The following CD9 variants were observed in gnomAD, a reference collection of about 807,000 sequenced individuals.
CD9 encodes the protein CD9 molecule, also known as CD9 antigen.
Under a neutral mutation model 31.4 loss-of-function variants are expected in CD9, and 10 were observed. That is an observed-to-expected ratio of 0.32 (90% CI 0.20 to 0.54). The LOEUF is 0.54. Among genes scored for constraint, CD9 ranks in the 20% least tolerant of loss-of-function variants. The pLI is 0.94. For missense variants in CD9, 259 were observed against 300.1 expected (o/e 0.86, Z 1.01); for synonymous variants, 113 against 114.1 (o/e 0.99, Z 0.06).
intron 1 of CD9, among the ~76,000 whole-genome samples, chr12:6,218,213 G>A (rs1053842811): frequency 7.0e-6 from 1 of 143,870 alleles, no homozygotes. Flanking sequence ...GGGTGACAGA[G>A]TGAGACCCTG....
chr12:6,220,485 G>C (rs1946282567), intron 1 of CD9, among the ~76,000 whole-genome samples: 1 of 152,156 alleles, frequency 6.6e-6, no homozygotes, highest in Admixed American at 6.5e-5. Flanking sequence ...GGGGTGAAAG[G>C]AAAGCAGAGA....
At chr12:6,212,790 G>T (rs114476550) in intron 1 of CD9, among the ~76,000 whole-genome samples, 84 of 152,334 alleles carry the variant, frequency 5.5e-4, no homozygotes, top group African/African-American at 1.9e-3. Context: ...ACAGAAGGCA[G>T]AAGTTGGCCT....
intron 1 of CD9, among the ~76,000 whole-genome samples, chr12:6,218,537 G>C (rs1946263802): frequency 1.3e-5 from 2 of 152,254 alleles, no homozygotes; most frequent in South Asian, 4.1e-4. Flanking sequence ...ACCTCCCCAG[G>C]TTCTAACTGG....
chr12:6,208,569 G>T (rs576541959), intron 1 of CD9, among the ~76,000 whole-genome samples: 3 of 152,044 alleles, frequency 2.0e-5, no homozygotes, highest in African/African-American at 7.2e-5. Flanking sequence ...TTGTTTGTTT[G>T]TTTTTGTTCT....
intron 1 of CD9, among the ~76,000 whole-genome samples, chr12:6,223,826 A>G (rs1179100154): frequency 6.6e-6 from 1 of 152,130 alleles, no homozygotes; most frequent in Admixed American, 6.5e-5. Context: ...CTTCTCCCCA[A>G]CCAAACAGTG....
chr12:6,225,414 T>A lies in CD9; in HGVS notation c.67-12T>A. On this transcript the variant is annotated splice_polypyrimidine_tract_variant and intron_variant, in intron 1 of 7. Coordinates refer to ENST00000009180, the MANE Select transcript of CD9 (RefSeq NM_001769.4). ...AGCCAGAATTAATGCTGATGTCCTGTATGTCTTGCAGCTTGCCGGGATTGC... is the reference window on the plus strand; with the variant it reads ...AGCCAGAATTAATGCTGATGTCCTGAATGTCTTGCAGCTTGCCGGGATTGC... 1 of 1,579,112 alleles carries A rather than the reference T, an allele frequency of 6.3e-7. No homozygotes were observed. Among genetic ancestry groups the A allele is most frequent in the Non-Finnish European group, 8.7e-7 (1 of 1,148,076 alleles).
chr12:6,228,898 A>G (rs1259390837), intron 2 of CD9, among the ~76,000 whole-genome samples: 1 of 152,262 alleles, frequency 6.6e-6, no homozygotes, highest in Non-Finnish European at 1.5e-5. Context: ...CTGACTTTTC[A>G]GGAAACCTGA....
intron 1 of CD9, among the ~76,000 whole-genome samples, chr12:6,214,905 G>A (rs898448048): frequency 6.6e-6 from 1 of 152,088 alleles, no homozygotes; most frequent in East Asian, 1.9e-4. Context: ...GGAGCCAAAC[G>A]CAGGTTCCAA....
intron 4 of CD9, among the ~76,000 whole-genome samples, chr12:6,234,723 C>T (rs1273762797): frequency 3.3e-5 from 5 of 152,190 alleles, no homozygotes; most frequent in Non-Finnish European, 7.3e-5. Flanking sequence ...CTGTACTGGA[C>T]ATAGTGGTAA....
chr12:6,231,901 T>C lies in CD9; in HGVS notation c.176-731T>C, dbSNP rs11568258. Among the ~76,000 whole-genome samples, 461 of 152,264 alleles carry C rather than the reference T, an allele frequency of 3.0e-3. 2 individuals carry two copies. Among genetic ancestry groups the C allele is most frequent in the Middle Eastern group, 0.014 (4 of 294 alleles). On this transcript the variant is annotated intron_variant, in intron 2 of 7. Transcript: ENST00000009180. The stretch of plus-strand genomic sequence containing the variant: ...CTCTTTAATTTTACTAGTAAGGAAA[T>C]TGAGGCCCAGAGAGGGAAAATGTCT...
intron 2 of CD9, 65 bp downstream of exon 2, chr12:6,225,599 A>T: frequency 2.9e-6 from 3 of 1,042,922 alleles, no homozygotes; most frequent in Non-Finnish European, 4.5e-6. Flanking sequence ...GCAACTTTGG[A>T]GGCCCCATGT....
chr12:6,224,177 AGATGCACTTCT>A (rs1340735617), intron 1 of CD9, among the ~76,000 whole-genome samples: 1 of 152,152 alleles, frequency 6.6e-6, no homozygotes, highest in Non-Finnish European at 1.5e-5. Context: ...CTTCCTCTTC[AGATGCACTTCT>A]GATATTATCT....
chr12:6,233,294 G>A, intron 3 of CD9, 118 bp from the exon 4 acceptor site: 2 of 747,922 alleles, frequency 2.7e-6, no homozygotes, highest in Non-Finnish European at 4.8e-6. Context: ...CTATTCATTT[G>A]TGTCACCAGA....
chr12:6,203,705 C>T (rs1034792364), intron 1 of CD9, among the ~76,000 whole-genome samples: 1 of 152,092 alleles, frequency 6.6e-6, no homozygotes, highest in South Asian at 2.1e-4. Flanking sequence ...TGCCCACCCC[C>T]CAAAAAACAG....
chr12:6,217,879 C>T (rs1477204360), intron 1 of CD9, among the ~76,000 whole-genome samples: 3 of 152,178 alleles, frequency 2.0e-5, no homozygotes, highest in African/African-American at 4.8e-5. Context: ...TCTCCACTTT[C>T]TGGGCTTTCC....
chr12:6,218,345 G>A (rs1946262200), intron 1 of CD9, among the ~76,000 whole-genome samples: 1 of 152,228 alleles, frequency 6.6e-6, no homozygotes, highest in South Asian at 2.1e-4. Context: ...TTTCTTTGCA[G>A]TAGGATTTGT....
chr12:6,205,790 C>T (rs954764580), intron 1 of CD9, among the ~76,000 whole-genome samples: 2 of 152,192 alleles, frequency 1.3e-5, no homozygotes, highest in Non-Finnish European at 2.9e-5. Context: ...GTGGTTCTCA[C>T]CTGGGTGAGC....
intron 1 of CD9, among the ~76,000 whole-genome samples, chr12:6,223,590 T>TG (rs11568238): frequency 6.6e-5 from 10 of 151,678 alleles, no homozygotes; most frequent in African/African-American, 9.7e-5. Context: ...CTCAGGGACC[T>TG]GGGGGGGGAC....
Position 6,232,952 on chromosome 12 carries a change from A to G in CD9, c.273+223A>G, listed in dbSNP as rs1189248913. ...CTTCCCCTAGGCAACTAAAAGGACT[A>G]TGTTTCCCCCTTTTCTCGAGGACCA... On this transcript the variant is annotated intron_variant, in intron 3 of 7. Transcript: ENST00000009180. This position sits in a 1 kb window ranked among gnomAD's most constrained non-coding sequence, Gnocchi z 4.8. 5.7e-6 allele frequency: 4 copies of G among 702,360 alleles called. No homozygotes were observed. The highest frequency in any genetic ancestry group is 3.5e-5 in the African/African-American group (2 of 57,222). 43.5% of individuals were successfully genotyped at this position (702,360 alleles called of 1,614,324 possible). A position where few individuals can be genotyped will look rare whatever the true frequency, so the allele number is the denominator to read the frequency against.
Sources: allele counts gnomAD v4.1 joint callset (sites outside exome capture counted in the v4.1 genomes callset), GRCh38; gene constraint gnomAD v4.1.1; non-coding constraint Gnocchi (gnomAD v3.1); transcripts MANE v1.5; gene names NCBI Gene and HGNC (gene_info 2026-07-23, HGNC 2026-07-21).